The following PROK2 variants were observed in gnomAD, a reference collection of about 807,000 sequenced individuals.
PROK2 encodes prokineticin-2.
PROK2 carries 8 observed loss-of-function variants against 14.2 expected under a neutral mutation model. That is an observed-to-expected ratio of 0.56 (90% CI 0.33 to 1.02). The LOEUF (loss-of-function observed/expected upper bound fraction) is 1.02, where lower values mean the gene tolerates loss of function less well. Among genes scored for constraint, PROK2 ranks in the 50% least tolerant of loss-of-function variants. PROK2 has a pLI of 0.03. For missense variants in PROK2, 154 were observed against 160.4 expected (o/e 0.96, Z 0.22); for synonymous variants, 59 against 60.7 (o/e 0.97, Z 0.13).
In PROK2 at chr3:71,772,087, G is replaced by T. The variant is rs2050083778; in HGVS notation, c.*637C>A. 6.5e-6 allele frequency: 1 copy of T among 153,378 alleles called. No individual in the cohort carries two copies. Among genetic ancestry groups the T allele is most frequent in the Non-Finnish European group, 1.4e-5 (1 of 68,980 alleles). 9.5% of individuals were successfully genotyped at this position (153,378 alleles called of 1,614,324 possible). Reference sequence around the variant, plus strand: ...TGACAGGTTTAGGAAGGGTCCAGCAGCACTCCTAGCTTCCGTGCCATGACA... The same window carrying T: ...TGACAGGTTTAGGAAGGGTCCAGCATCACTCCTAGCTTCCGTGCCATGACA... On this transcript the variant is annotated 3_prime_UTR_variant, in exon 4 of 4. Transcript: ENST00000295619.
In PROK2 at chr3:71,772,466, C is replaced by A; in HGVS notation, c.*258G>T. The A allele has an allele frequency of 7.4e-6, 3 of 406,384 alleles. No homozygotes were observed. The highest frequency in any genetic ancestry group is 8.4e-5 in the East Asian group (2 of 23,852). 25.2% of individuals were successfully genotyped at this position (406,384 alleles called of 1,614,324 possible). Reference sequence around the variant, plus strand: ...CGTTTTTGACATTTAAGAAAAAAGCCAAATCAAACCAAAACACAAACAGGG... The same window carrying A: ...CGTTTTTGACATTTAAGAAAAAAGCAAAATCAAACCAAAACACAAACAGGG... On this transcript the variant is annotated 3_prime_UTR_variant, in exon 4 of 4. Coordinates refer to ENST00000295619, the MANE Select transcript of PROK2 (RefSeq NM_001126128.2).
At chr3:71,775,076 A>G (rs551544421) in intron 2 of PROK2, among the ~76,000 whole-genome samples, 38 of 152,312 alleles carry the variant, frequency 2.5e-4, no homozygotes, top group African/African-American at 8.7e-4. Flanking sequence ...ATGCTGCTAA[A>G]CATTTTACAA....
chr3:71,783,600 A>G (rs2050187188), intron 1 of PROK2, among the ~76,000 whole-genome samples: 1 of 152,236 alleles, frequency 6.6e-6, no homozygotes, highest in Admixed American at 6.5e-5. Flanking sequence ...CTATTCAGAT[A>G]GTGTTGTCCT....
chr3:71,777,088 T>C (rs2050126269), intron 2 of PROK2, among the ~76,000 whole-genome samples: 1 of 152,216 alleles, frequency 6.6e-6, no homozygotes, highest in Non-Finnish European at 1.5e-5. Context: ...GTCAATATCC[T>C]GCTTGGAATA....
intron 2 of PROK2, among the ~76,000 whole-genome samples, chr3:71,775,326 G>C (rs1171160737): frequency 6.6e-6 from 1 of 152,152 alleles, no homozygotes; most frequent in Non-Finnish European, 1.5e-5. Flanking sequence ...TATCTTAAGT[G>C]CCGAGCATAC....
chr3:71,775,514 C>G (rs11708084), intron 2 of PROK2, among the ~76,000 whole-genome samples: 1 of 152,180 alleles, frequency 6.6e-6, no homozygotes, highest in Non-Finnish European at 1.5e-5. Flanking sequence ...TTGGGCCCAG[C>G]AGAAAAGAAA....
chr3:71,775,406 A>C (rs990216177), intron 2 of PROK2, among the ~76,000 whole-genome samples: 1 of 152,196 alleles, frequency 6.6e-6, no homozygotes, highest in Non-Finnish European at 1.5e-5. Flanking sequence ...ACAGAACACC[A>C]GTAAAATTGT....
chr3:71,777,310 C>A (rs1447754089), intron 2 of PROK2, among the ~76,000 whole-genome samples: 1 of 152,146 alleles, frequency 6.6e-6, no homozygotes, highest in African/African-American at 2.4e-5. Context: ...ATGAGAAAAT[C>A]AGCATATTAT....
intron 2 of PROK2, 31 bp from the exon 3 acceptor site, chr3:71,774,538 A>G: frequency 6.5e-7 from 1 of 1,547,702 alleles, no homozygotes; most frequent in Non-Finnish European, 8.7e-7. Context: ...ATTGAGATCA[A>G]TAAATACAAA....
At chr3:71,777,483 T>A (rs1427712235) in intron 2 of PROK2, among the ~76,000 whole-genome samples, 1 of 152,146 alleles carries the variant, frequency 6.6e-6, no homozygotes, top group African/African-American at 2.4e-5. Flanking sequence ...TAGAAACCAC[T>A]AATAATTTTT....
At chr3:71,775,118 T>C (rs1229753536) in intron 2 of PROK2, among the ~76,000 whole-genome samples, 1 of 152,150 alleles carries the variant, frequency 6.6e-6, no homozygotes, top group African/African-American at 2.4e-5. Context: ...CAAAGAATTA[T>C]CTGGCCCAAG....
chr3:71,772,613 T>C lies in PROK2; in HGVS notation c.*111A>G, dbSNP rs961380817. Reference sequence around the variant, plus strand: ...AAAGATAAAAATGTTACTTGGAAAGTTGAGGAAGCAAGAGCATTTCTTTCT... The same window carrying C: ...AAAGATAAAAATGTTACTTGGAAAGCTGAGGAAGCAAGAGCATTTCTTTCT... On this transcript the variant is annotated 3_prime_UTR_variant, in exon 4 of 4. Coordinates refer to ENST00000295619, the MANE Select transcript of PROK2 (RefSeq NM_001126128.2). 3.3e-6 allele frequency: 3 copies of C among 899,876 alleles called. No homozygotes were observed. Among genetic ancestry groups the C allele is most frequent in the East Asian group, 2.4e-5 (1 of 41,264 alleles). 55.7% of individuals were successfully genotyped at this position (899,876 alleles called of 1,614,324 possible).
intron 1 of PROK2, among the ~76,000 whole-genome samples, chr3:71,783,918 T>A (rs946095463): frequency 2.0e-4 from 30 of 152,322 alleles, no homozygotes; most frequent in Middle Eastern, 3.4e-3. Context: ...TAATAACTAA[T>A]ATAGAGAAAA....
chr3:71,774,256 T>A (rs2050101671), intron 3 of PROK2, among the ~76,000 whole-genome samples, 189 bp downstream of exon 3: 1 of 152,178 alleles, frequency 6.6e-6, no homozygotes, highest in Non-Finnish European at 1.5e-5. Flanking sequence ...CCAGATAAAT[T>A]TCTTTGTATA....
intron 1 of PROK2, among the ~76,000 whole-genome samples, chr3:71,782,916 G>A (rs914456758): frequency 6.6e-6 from 1 of 152,124 alleles, no homozygotes; most frequent in Non-Finnish European, 1.5e-5. Flanking sequence ...GATTTTATAG[G>A]ACAATATGTA....
chr3:71,784,338 A>G (rs2050193402), intron 1 of PROK2, among the ~76,000 whole-genome samples: 1 of 152,214 alleles, frequency 6.6e-6, no homozygotes, highest in Non-Finnish European at 1.5e-5. Context: ...CAGGAATTAG[A>G]AATTTAAAAC....
chr3:71,777,271 C>A (rs995743794), intron 2 of PROK2, among the ~76,000 whole-genome samples: 3 of 152,286 alleles, frequency 2.0e-5, no homozygotes, highest in African/African-American at 7.2e-5. Context: ...TAATCATAGA[C>A]AGTAGCTCTT....
intron 1 of PROK2, among the ~76,000 whole-genome samples, chr3:71,782,104 C>T (rs1266228146): frequency 6.6e-6 from 1 of 152,188 alleles, no homozygotes; most frequent in African/African-American, 2.4e-5. Context: ...TTCAGAAGTG[C>T]TCATTTTCCC....
At chr3:71,772,892 T>G in intron 3 of PROK2, 64 bp from the exon 4 acceptor site, 1 of 1,368,150 alleles carries the variant, frequency 7.3e-7, no homozygotes, top group Non-Finnish European at 1.0e-6. Context: ...ACCAAATCAT[T>G]CTTGAGATAG....
Sources: allele counts gnomAD v4.1 joint callset (sites outside exome capture counted in the v4.1 genomes callset), GRCh38; gene constraint gnomAD v4.1.1; transcripts MANE v1.5; gene names NCBI Gene and HGNC (gene_info 2026-07-23, HGNC 2026-07-21).